Variants in ADAMTSL2 observed in about 807,000 individuals in gnomAD.
ADAMTSL2 encodes ADAMTS like 2, also known as ADAMTS-like protein 2.
In ADAMTSL2, 55 loss-of-function variants were observed where a neutral mutation model predicts 117.0. That is an observed-to-expected ratio of 0.47 (90% CI 0.38 to 0.59). The LOEUF (loss-of-function observed/expected upper bound fraction) is 0.59, where lower values mean the gene tolerates loss of function less well. Ranked by LOEUF, ADAMTSL2 falls within the 20% of genes least tolerant of loss-of-function variation. ADAMTSL2 has a pLI of 0.00. For missense variants in ADAMTSL2, 1,182 were observed against 1,354.5 expected (o/e 0.87, Z 2.00); for synonymous variants, 572 against 566.4 (o/e 1.01, Z -0.14).
At chr9:133,552,356 A>T (rs1055949947) in intron 9 of ADAMTSL2, among the ~76,000 whole-genome samples, 1 of 152,160 alleles carries the variant, frequency 6.6e-6, no homozygotes, top group Non-Finnish European at 1.5e-5. Context: ...CCTCTGGAAG[A>T]CAGGTGCTTT....
chr9:133,573,062 A>ATC (rs1303875783), intron 17 of ADAMTSL2, among the ~76,000 whole-genome samples: 1 of 148,280 alleles, frequency 6.7e-6, no homozygotes, highest in African/African-American at 2.5e-5. Flanking sequence ...CCAAGTCTTA[A>ATC]TCGGTCTTCC....
intron 11 of ADAMTSL2, among the ~76,000 whole-genome samples, chr9:133,556,984 G>A (rs1830617445): frequency 2.6e-5 from 4 of 152,272 alleles, no homozygotes; most frequent in African/African-American, 4.8e-5. Context: ...AGGCAGGCAC[G>A]GGCTCACTGG....
intron 12 of ADAMTSL2, among the ~76,000 whole-genome samples, chr9:133,565,594 C>T (rs1474482051): frequency 1.3e-5 from 2 of 152,222 alleles, no homozygotes; most frequent in East Asian, 1.9e-4. Context: ...ACCGTGATTG[C>T]AGCCTGGCTC....
chr9:133,542,979 G>A (rs1426361076), intron 7 of ADAMTSL2, among the ~76,000 whole-genome samples: 1 of 149,926 alleles, frequency 6.7e-6, no homozygotes, highest in African/African-American at 2.5e-5. Context: ...ACGGAGTTTT[G>A]TTCTTGTTGC....
intron 5 of ADAMTSL2, among the ~76,000 whole-genome samples, chr9:133,540,343 G>C (rs1421957514): frequency 1.3e-5 from 2 of 152,206 alleles, no homozygotes; most frequent in African/African-American, 4.8e-5. Context: ...CCTGCAGAGG[G>C]GGAACCCCAG....
At position 133,537,682 on chromosome 9, in the gene ADAMTSL2, TC is replaced by T. The variant is rs556189144; in HGVS notation, c.233+141del. The T allele has an allele frequency of 2.2e-4, 232 of 1,043,266 alleles. No homozygotes were observed. The African/African-American group carries it at 2.6e-3, about 12-fold the overall frequency. The allele number at this position is 1,043,266 out of a possible 1,614,324, so 64.6% of individuals were successfully genotyped here. ...CGGGTTGGGGGCAGCACAGGCTGAG[TC>T]CCCCCATCAGCCTCTGCTGGACGCG... On this transcript the variant is annotated intron_variant, in intron 3 of 18. Coordinates refer to ENST00000651351, the MANE Select transcript of ADAMTSL2 (RefSeq NM_014694.4).
intron 5 of ADAMTSL2, 61 bp from the exon 6 acceptor site, chr9:133,540,537 T>C (rs1588279369): frequency 1.3e-6 from 2 of 1,592,274 alleles, no homozygotes; most frequent in South Asian, 1.1e-5. Flanking sequence ...AAAAGGGAAG[T>C]CCTCTGAATC....
intron 1 of ADAMTSL2, among the ~76,000 whole-genome samples, chr9:133,536,159 G>A (rs937491913): frequency 6.6e-6 from 1 of 152,228 alleles, no homozygotes; most frequent in Admixed American, 6.5e-5. Context: ...ATTCCCCCGG[G>A]ACCTGGCCAA....
chr9:133,570,653 C>G, intron 17 of ADAMTSL2, 146 bp downstream of exon 17: 2 of 900,420 alleles, frequency 2.2e-6, no homozygotes, highest in Non-Finnish European at 3.5e-6. Context: ...GGGAAAGCTT[C>G]TCAACTCCAC....
At position 133,540,860 on chromosome 9, in the gene ADAMTSL2, C is replaced by G. The variant is rs764317924; in HGVS notation, c.559-18C>G. 4.3e-6 allele frequency: 7 copies of G among 1,613,410 alleles called. No homozygotes were observed. Among genetic ancestry groups the G allele is most frequent in the Non-Finnish European group, 5.9e-6 (7 of 1,179,988 alleles). On this transcript the variant is annotated intron_variant, in intron 6 of 18. Transcript: ENST00000651351. The stretch of plus-strand genomic sequence containing the variant: ...CACAGCGCCCTCCCAGCAGCCCTCT[C>G]CCTCTCCCTTCCTGCAGCCCATCGG...
upstream of ADAMTSL2, among the ~76,000 whole-genome samples, chr9:133,533,448 A>T (rs28433594): frequency 0.19 from 28,274 of 152,170 alleles, 2,851 homozygotes; most frequent in South Asian, 0.29. Context: ...GAGCGCTGGC[A>T]TCCCAGCCTT....
intron 12 of ADAMTSL2, among the ~76,000 whole-genome samples, chr9:133,563,848 A>T: frequency 2.5e-5 from 1 of 39,580 alleles, no homozygotes; most frequent in East Asian, 3.7e-4. Flanking sequence ...AGAGAGGGAG[A>T]GAGAGAGAGA....
chr9:133,549,805 T>C lies in ADAMTSL2; in HGVS notation c.939+2592T>C, dbSNP rs138514948. Among the ~76,000 whole-genome samples, 25 of 152,302 alleles carry C rather than the reference T, an allele frequency of 1.6e-4. No homozygotes were observed. The East Asian group carries it at 4.6e-3, about 28-fold the overall frequency. On this transcript the variant is annotated intron_variant, in intron 9 of 18. Coordinates refer to ENST00000651351, the MANE Select transcript of ADAMTSL2 (RefSeq NM_014694.4). ...TGTGTGGCCGCAGCCTAAAGTGTAATGAAACTGTTGCTTCGTCTTTGGGTG... is the reference window on the plus strand; with the variant it reads ...TGTGTGGCCGCAGCCTAAAGTGTAACGAAACTGTTGCTTCGTCTTTGGGTG...
At chr9:133,533,101 T>C (rs952647897), upstream of ADAMTSL2, among the ~76,000 whole-genome samples, 2 of 151,748 alleles carry the variant, frequency 1.3e-5, no homozygotes, top group African/African-American at 4.9e-5. Flanking sequence ...AGGAAGGGGA[T>C]GGCAGAGGCA....
chr9:133,569,558 C>A lies in ADAMTSL2; in HGVS notation c.2395C>A (p.Leu799Met). 1 of 1,583,694 alleles carries A rather than the reference C, an allele frequency of 6.3e-7. No individual in the cohort carries two copies. Residue 799 changes from leucine (L) to methionine (M), a missense_variant, in exon 16 of 19, where the codon CTG becomes ATG. Physicochemically the swap from Leu to Met is conservative, Grantham distance 15. Around this residue, in one of 3 missense-constraint regions of ADAMTSL2, gnomAD observed 465 missense variants for 565.3 expected, o/e 0.82. Coordinates refer to ENST00000651351, the MANE Select transcript of ADAMTSL2 (RefSeq NM_014694.4). ...GGACAAAAACTGTCCCGCCCACTGG[C>A]TGGCCCAGGACTGGGAGCGGGTGAG... ...CGDKNCPAHW[L>M]AQDWERCNTT...
chr9:133,568,573 C>G (rs1470431477), intron 14 of ADAMTSL2, 30 bp from the exon 15 acceptor site: 1 of 1,553,430 alleles, frequency 6.4e-7, no homozygotes, highest in Non-Finnish European at 8.7e-7. Context: ...TGTGTCACAC[C>G]CCCCCTGCCC....
upstream of ADAMTSL2, chr9:133,532,321 C>T (rs1985382): frequency 0.068 from 10,372 of 152,214 alleles, 410 homozygotes; most frequent in Non-Finnish European, 0.076. Flanking sequence ...CTCAGCCTTC[C>T]GAGTAGCTGG....
In ADAMTSL2 at chr9:133,546,924, G is replaced by A. The variant is rs1038382685; in HGVS notation, c.764-114G>A. On this transcript the variant is annotated intron_variant, in intron 8 of 18. Coordinates refer to ENST00000651351, the MANE Select transcript of ADAMTSL2 (RefSeq NM_014694.4). ...ATGATGGGAGTTTCCTGTCTCGGGA[G>A]CATTTGAGCCGGGGTTCTGGAGGGC... 6.4e-6 allele frequency: 7 copies of A among 1,090,544 alleles called. No individual in the cohort carries two copies. The Admixed American group carries it at 6.8e-5, about 11-fold the overall frequency. 67.6% of individuals were successfully genotyped at this position (1,090,544 alleles called of 1,614,324 possible).
Position 133,568,303 on chromosome 9 carries a change from G to A in ADAMTSL2, c.1905G>A (p.Ser635=). The A allele has an allele frequency of 7.6e-6, 12 of 1,575,438 alleles. No individual in the cohort carries two copies. Among genetic ancestry groups the A allele is most frequent in the East Asian group, 2.3e-5 (1 of 42,564 alleles). The part of the protein sequence containing the change: ...RWETSSWSEC[S]RTCGEGYQFR... Reference sequence around the variant, plus strand: ...AGACGAGCAGCTGGAGCGAGTGTTCGCGCACCTGCGGAGAGGGCTACCAGT... The same window carrying A: ...AGACGAGCAGCTGGAGCGAGTGTTCACGCACCTGCGGAGAGGGCTACCAGT... The change falls in exon 14 of 19, where the codon TCG becomes TCA. Residue 635 remains serine, a synonymous_variant. Transcript: ENST00000651351.
Sources: gnomAD v4.1 joint callset for allele counts (sites outside exome capture counted in the v4.1 genomes callset) on GRCh38, gnomAD v4.1.1 for gene constraint, gnomAD v4.1.1 regional missense constraint, MANE v1.5 for transcripts, NCBI Gene and HGNC (gene_info 2026-07-23, HGNC 2026-07-21) for gene names.